The following CA10 variants were observed in gnomAD, a reference collection of about 807,000 sequenced individuals.
CA10 encodes carbonic anhydrase 10 (inactive).
Under a neutral mutation model 44.2 loss-of-function variants are expected in CA10, and 14 were observed. The ratio of observed to expected loss-of-function variants is 0.32; its 90% CI spans 0.21 to 0.50. CA10 has a LOEUF of 0.50. CA10 is among the 20% of genes least tolerant of loss of function. The pLI is 0.99. For missense variants in CA10, 350 were observed against 409.7 expected, an observed-to-expected ratio of 0.85 and a Z score of 1.26; for synonymous variants, 159 against 141.6, an observed-to-expected ratio of 1.12 and a Z score of -0.87.
intron 4 of CA10, among the ~76,000 whole-genome samples, chr17:51,717,168 G>C (rs1320856558): frequency 6.6e-6 from 1 of 152,098 alleles, no homozygotes; most frequent in Admixed American, 6.5e-5. Flanking sequence ...TCCTGAGAGA[G>C]AGCTCCGAAT....
chr17:51,835,991 G>T (rs751201445), intron 3 of CA10, among the ~76,000 whole-genome samples: 4 of 152,192 alleles, frequency 2.6e-5, no homozygotes, highest in African/African-American at 4.8e-5. Context: ...CATGATAATG[G>T]TGTTGATGAT....
At chr17:52,051,588 T>C (rs957831153) in intron 2 of CA10, among the ~76,000 whole-genome samples, 3 of 152,048 alleles carry the variant, frequency 2.0e-5, no homozygotes, top group Admixed American at 1.3e-4. Flanking sequence ...ACCACAATGA[T>C]ACCATCTCAC....
Position 51,944,026 on chromosome 17 carries a change from T to C in CA10, c.137-12894A>G, listed in dbSNP as rs566746046. On this transcript the variant is annotated intron_variant, in intron 2 of 8. Coordinates refer to ENST00000451037, the MANE Select transcript of CA10 (RefSeq NM_020178.5). Reference sequence around the variant, plus strand: ...GGACCCACCATTGCTCTCAATTTTCTCCACCTTTTGTTCTAATTCTTCGTC... The same window carrying C: ...GGACCCACCATTGCTCTCAATTTTCCCCACCTTTTGTTCTAATTCTTCGTC... Among the ~76,000 whole-genome samples the C allele has an allele frequency of 1.8e-4, 27 of 152,238 alleles. No individual in the cohort carries two copies. The South Asian group carries it at 5.0e-3, about 28-fold the overall frequency.
At chr17:51,939,061 G>A (rs1418112422) in intron 2 of CA10, among the ~76,000 whole-genome samples, 1 of 152,044 alleles carries the variant, frequency 6.6e-6, no homozygotes. Context: ...GAGGAAACCA[G>A]TGTGAAAGTG....
At chr17:51,638,639 G>A (rs1912936115) in intron 6 of CA10, among the ~76,000 whole-genome samples, 1 of 152,228 alleles carries the variant, frequency 6.6e-6, no homozygotes, top group Non-Finnish European at 1.5e-5. Context: ...CCTAAGATGT[G>A]TCAGGCACTA....
At chr17:51,857,618 C>T (rs746552426) in intron 3 of CA10, among the ~76,000 whole-genome samples, 1 of 152,086 alleles carries the variant, frequency 6.6e-6, no homozygotes, top group Non-Finnish European at 1.5e-5. Flanking sequence ...AACTTACTAT[C>T]GCAACAAACT....
intron 2 of CA10, among the ~76,000 whole-genome samples, chr17:52,022,931 A>G (rs1198017527): frequency 1.3e-5 from 2 of 152,142 alleles, no homozygotes; most frequent in Non-Finnish European, 2.9e-5. Context: ...AAGGAGAACT[A>G]CCAAACACTG....
intron 1 of CA10, among the ~76,000 whole-genome samples, chr17:52,151,246 TC>T (rs1420443698): frequency 7.9e-5 from 12 of 152,120 alleles, no homozygotes; most frequent in Non-Finnish European, 1.8e-4. Flanking sequence ...CTATATCCAG[TC>T]GTTTAGTCTA....
At chr17:52,107,243 T>G (rs1420817936) in intron 1 of CA10, among the ~76,000 whole-genome samples, 1 of 152,010 alleles carries the variant, frequency 6.6e-6, no homozygotes, top group Non-Finnish European at 1.5e-5. Context: ...AATTTGAGAT[T>G]TAGTTCTGAT....
At chr17:51,664,288 C>T (rs1024955772) in intron 4 of CA10, among the ~76,000 whole-genome samples, 12 of 152,074 alleles carry the variant, frequency 7.9e-5, no homozygotes, top group South Asian at 4.1e-4. Context: ...ATATCTTTTA[C>T]GATCATATAT....
At chr17:51,905,443 C>T (rs1211588322) in intron 3 of CA10, among the ~76,000 whole-genome samples, 2 of 151,016 alleles carry the variant, frequency 1.3e-5, no homozygotes, top group African/African-American at 4.9e-5. Context: ...AGAAGTGCCA[C>T]ATGCTAGTAA....
At chr17:51,926,025 C>T (rs549711961) in intron 3 of CA10, among the ~76,000 whole-genome samples, 3 of 152,084 alleles carry the variant, frequency 2.0e-5, no homozygotes, top group Non-Finnish European at 4.4e-5. Flanking sequence ...GTTGTGATGA[C>T]TGCACAATAG....
intron 3 of CA10, among the ~76,000 whole-genome samples, chr17:51,800,994 G>T (rs1024169538): frequency 2.0e-5 from 3 of 152,076 alleles, no homozygotes; most frequent in Non-Finnish European, 4.4e-5. Flanking sequence ...GGAGTGCCTG[G>T]TCTGCCTGAG....
chr17:51,734,686 C>T (rs1404970687), intron 4 of CA10, among the ~76,000 whole-genome samples: 6 of 152,178 alleles, frequency 3.9e-5, no homozygotes, highest in Middle Eastern at 6.8e-3. Flanking sequence ...AATGGGAGGG[C>T]GATTCCTTGC....
intron 3 of CA10, among the ~76,000 whole-genome samples, chr17:51,805,318 T>C (rs1397294995): frequency 1.3e-5 from 2 of 152,204 alleles, no homozygotes; most frequent in African/African-American, 4.8e-5. Context: ...TCAAAGGTGA[T>C]TGAGTAAAAG....
chr17:51,891,752 C>T (rs957119911), intron 3 of CA10, among the ~76,000 whole-genome samples: 8 of 152,236 alleles, frequency 5.3e-5, no homozygotes, highest in East Asian at 1.9e-4. Flanking sequence ...CCTTTTGCCC[C>T]GCCCTGTCAT....
chr17:51,928,860 A>G (rs1254889722), intron 3 of CA10, among the ~76,000 whole-genome samples: 1 of 152,210 alleles, frequency 6.6e-6, no homozygotes, highest in African/African-American at 2.4e-5. Flanking sequence ...CTAGCAAATT[A>G]AGGCATTTCA....
In CA10 at chr17:52,089,386, AAGTT is replaced by A. The variant is rs554415202; in HGVS notation, c.62-16997_62-16994del. Reference sequence around the variant, plus strand: ...ATTCCAAGGTTTTCTTAGCAGCCAAAAGTTAGCCAAGAGAAGAAATAAAAATAGC... The same window carrying A: ...ATTCCAAGGTTTTCTTAGCAGCCAAAAGCCAAGAGAAGAAATAAAAATAGC... On this transcript the variant is annotated intron_variant, in intron 1 of 8. Transcript: ENST00000451037. 1.6e-4 allele frequency among the ~76,000 whole-genome samples: 24 copies of A among 152,324 alleles called. No individual in the cohort carries two copies. The East Asian group carries it at 4.2e-3, about 27-fold the overall frequency.
intron 3 of CA10, among the ~76,000 whole-genome samples, chr17:51,868,938 C>G (rs894382002): frequency 1.7e-4 from 26 of 150,002 alleles, no homozygotes; most frequent in Non-Finnish European, 1.5e-5. Context: ...CATGCACACA[C>G]AAGTATAAAA....
Sources: gnomAD v4.1 joint callset for allele counts (sites outside exome capture counted in the v4.1 genomes callset) on GRCh38, gnomAD v4.1.1 for gene constraint, MANE v1.5 for transcripts, NCBI Gene and HGNC (gene_info 2026-07-23, HGNC 2026-07-21) for gene names.